Variants in SGSM2 observed in about 807,000 individuals in gnomAD.
SGSM2 encodes RUN and TBC1 domain containing 1.
SGSM2 carries 89 observed loss-of-function variants against 126.6 expected under a neutral mutation model. The ratio of observed to expected loss-of-function variants is 0.70; its 90% CI spans 0.59 to 0.84. The LOEUF is 0.84. SGSM2 is among the 40% of genes least tolerant of loss of function. The pLI is 0.00. For synonymous variants in SGSM2, 614 were observed against 574.3 expected, an observed-to-expected ratio of 1.07 and a Z score of -0.99; for missense variants, 1,404 against 1,416.6, an observed-to-expected ratio of 0.99 and a Z score of 0.14.
chr17:2,348,917 C>T (rs1245934527), intron 2 of SGSM2, among the ~76,000 whole-genome samples: 2 of 151,988 alleles, frequency 1.3e-5, no homozygotes, highest in Non-Finnish European at 2.9e-5. Flanking sequence ...CTACGCGCCA[C>T]CACACTCGGC....
chr17:2,364,576 G>A lies in SGSM2; in HGVS notation c.933-20G>A, dbSNP rs2065467975. 5.6e-6 allele frequency: 9 copies of A among 1,613,670 alleles called. No individual in the cohort carries two copies. The highest frequency in any genetic ancestry group is 6.8e-6 in the Non-Finnish European group (8 of 1,179,588). ...TGGCAGGTCTTTGGACACAGTGACA[G>A]CAGTCTGGTTCCTTTCTAGCGTTTA... On this transcript the variant is annotated intron_variant, in intron 8 of 23. Transcript: ENST00000268989.
chr17:2,344,242 T>C (rs1004691153), intron 2 of SGSM2, among the ~76,000 whole-genome samples: 3 of 152,156 alleles, frequency 2.0e-5, no homozygotes, highest in African/African-American at 7.2e-5. Flanking sequence ...GAGAGTCGCT[T>C]ATAAACCATT....
At chr17:2,341,945 G>A (rs566831361) in intron 1 of SGSM2, among the ~76,000 whole-genome samples, 2 of 152,150 alleles carry the variant, frequency 1.3e-5, no homozygotes, top group East Asian at 1.9e-4. Flanking sequence ...CCCAAACGCC[G>A]GGTGTTTGTA....
chr17:2,337,673 C>G lies in SGSM2; in HGVS notation c.-16C>G, dbSNP rs746860587. On this transcript the variant is annotated 5_prime_UTR_variant, in exon 1 of 24. Transcript: ENST00000268989. The surrounding 1 kb of genome is among the most constrained non-coding windows in gnomAD (Gnocchi z 5.1). ...GGGGGCTCTGAGGACCGCTCGGCGC[C>G]GCCTCCTGCCACACCATGGGCAGCG... 6.8e-7 allele frequency: 1 copy of G among 1,471,312 alleles called. No homozygotes were observed. Among genetic ancestry groups the G allele is most frequent in the South Asian group, 1.3e-5 (1 of 77,122 alleles). The allele number at this position is 1,471,312 out of a possible 1,614,324, so 91.1% of individuals were successfully genotyped here.
At chr17:2,358,101 C>T (rs2065154550) in intron 2 of SGSM2, among the ~76,000 whole-genome samples, 1 of 152,116 alleles carries the variant, frequency 6.6e-6, no homozygotes, top group African/African-American at 2.4e-5. Flanking sequence ...CCACCACCCT[C>T]CACCCTGGGA....
In SGSM2 at chr17:2,380,123, G is replaced by A. The variant is rs1338070081; in HGVS notation, c.*603G>A. ...GGCAGTCGGAAGATGTGGGCCCTGGGTGGGAGCAGCCCACTTCAGCAGCAC... is the reference window on the plus strand; with the variant it reads ...GGCAGTCGGAAGATGTGGGCCCTGGATGGGAGCAGCCCACTTCAGCAGCAC... On this transcript the variant is annotated 3_prime_UTR_variant, in exon 24 of 24. Transcript: ENST00000268989. 7.1e-7 allele frequency: 1 copy of A among 1,407,018 alleles called. No individual in the cohort carries two copies. Among genetic ancestry groups the A allele is most frequent in the African/African-American group, 1.5e-5 (1 of 68,296 alleles). 87.2% of individuals were successfully genotyped at this position (1,407,018 alleles called of 1,614,324 possible). A position where few individuals can be genotyped will look rare whatever the true frequency, so the allele number is the denominator to read the frequency against.
In SGSM2 at chr17:2,362,081, A is replaced by C; in HGVS notation, c.297-28A>C. 6.3e-7 allele frequency: 1 copy of C among 1,597,922 alleles called. No individual in the cohort carries two copies. Among genetic ancestry groups the C allele is most frequent in the Non-Finnish European group, 8.5e-7 (1 of 1,173,964 alleles). On this transcript the variant is annotated intron_variant, in intron 3 of 23. Transcript: ENST00000268989. This position sits in a 1 kb window ranked among gnomAD's most constrained non-coding sequence, Gnocchi z 4.9. Reference sequence around the variant, plus strand: ...CTGGGGTTTACCCCTAGACCACTGCACTCCTGGAGCCCTCCCCGCCTTTGC... The same window carrying C: ...CTGGGGTTTACCCCTAGACCACTGCCCTCCTGGAGCCCTCCCCGCCTTTGC...
rs61733096 is a variant in SGSM2, at chr17:2,373,413, G to A, written c.2000G>A (p.Arg667Gln). 1.9e-3 allele frequency: 3,082 copies of A among 1,611,974 alleles called. 49 individuals are homozygous for A. The African/African-American group carries it at 0.033, about 17-fold the overall frequency. ...ACEVVVRQRE[R>Q]EAHPATRTKF... ...GAGGTGGTGGTGAGGCAGCGGGAGCGGGAGGCCCACCCAGCCACACGCACC... is the reference window on the plus strand; with the variant it reads ...GAGGTGGTGGTGAGGCAGCGGGAGCAGGAGGCCCACCCAGCCACACGCACC... Residue 667 changes from arginine (R) to glutamine (Q), a missense_variant, in exon 17 of 24, where the codon CGG becomes CAG. Arg to Gln is a conservative substitution (Grantham distance 43, BLOSUM62 1). Coordinates refer to ENST00000268989, the MANE Select transcript of SGSM2 (RefSeq NM_014853.3).
Position 2,365,065 on chromosome 17 carries a change from G to C in SGSM2, c.1161+8G>C, listed in dbSNP as rs750476328. The stretch of plus-strand genomic sequence containing the variant: ...TGGACCCAGCAAGGGAAGGTAACTC[G>C]GGTGGGAGGCTTTAGGGGAAGGGCT... On this transcript the variant is annotated splice_region_variant and intron_variant, in intron 10 of 23. Transcript: ENST00000268989. 2 of 1,610,938 alleles carry C rather than the reference G, an allele frequency of 1.2e-6. No individual in the cohort carries two copies. The highest frequency in any genetic ancestry group is 2.2e-5 in the South Asian group (2 of 91,054).
At chr17:2,338,254 C>T (rs1035368474) in intron 1 of SGSM2, among the ~76,000 whole-genome samples, 4 of 152,196 alleles carry the variant, frequency 2.6e-5, no homozygotes, top group Non-Finnish European at 2.9e-5. Flanking sequence ...GGGTGCGCCG[C>T]ACACCTCAGT....
At chr17:2,375,422 G>GC (rs1168251662) in intron 17 of SGSM2, 70 bp from the exon 18 acceptor site, 1 of 1,527,964 alleles carries the variant, frequency 6.5e-7, no homozygotes, top group African/African-American at 1.4e-5. Context: ...CTCCCTTCTG[G>GC]CCCGAGGAGG....
chr17:2,377,800 G>C, intron 21 of SGSM2, 57 bp from the exon 22 acceptor site: 2 of 1,172,816 alleles, frequency 1.7e-6, no homozygotes, highest in South Asian at 2.5e-5. Context: ...GTGAGTGGCG[G>C]CCAGAGGCAG....
chr17:2,354,926 G>T (rs1015139110), intron 2 of SGSM2, among the ~76,000 whole-genome samples: 1 of 139,116 alleles, frequency 7.2e-6, no homozygotes, highest in East Asian at 2.0e-4. Flanking sequence ...TGGTGGAATC[G>T]GGGTGTAAGC....
At chr17:2,348,768 G>C (rs922192557) in intron 2 of SGSM2, among the ~76,000 whole-genome samples, 1 of 151,986 alleles carries the variant, frequency 6.6e-6, no homozygotes, top group Admixed American at 6.6e-5. Flanking sequence ...ATTTTGTTTT[G>C]TTTCGTTTTG....
chr17:2,372,646 G>C lies in SGSM2; in HGVS notation c.1788+158G>C. The C allele has an allele frequency of 1.9e-6, 2 of 1,066,418 alleles. No homozygotes were observed. Among genetic ancestry groups the C allele is most frequent in the South Asian group, 2.9e-5 (2 of 68,240 alleles). 66.1% of individuals were successfully genotyped at this position (1,066,418 alleles called of 1,614,324 possible). A position where few individuals can be genotyped will look rare whatever the true frequency, so the allele number is the denominator to read the frequency against. On this transcript the variant is annotated intron_variant, in intron 15 of 23. Transcript: ENST00000268989. The surrounding 1 kb of genome is among the most constrained non-coding windows in gnomAD (Gnocchi z 6.0). ...GCAGAATCTCTTGCAGCTGGGCCTG[G>C]GGCTGACACGGGAAGGGGGCTGGAC...
chr17:2,351,834 A>G (rs1031199967), intron 2 of SGSM2, among the ~76,000 whole-genome samples: 1 of 152,082 alleles, frequency 6.6e-6, no homozygotes, highest in East Asian at 1.9e-4. Context: ...TATCCTCCCA[A>G]TCAGAGTCCA....
chr17:2,363,332 G>A lies in SGSM2; in HGVS notation c.673-133G>A. On this transcript the variant is annotated intron_variant, in intron 6 of 23. Coordinates refer to ENST00000268989, the MANE Select transcript of SGSM2 (RefSeq NM_014853.3). The surrounding 1 kb of genome is among the most constrained non-coding windows in gnomAD (Gnocchi z 4.2). ...CTGGTCCGTGGCTGGAGAGCAGAGG[G>A]TGGCTGGGAGTAAACCGGGGCAGGA... is the stretch of plus-strand genomic sequence containing the variant. 1 of 1,439,264 alleles carries A rather than the reference G, an allele frequency of 6.9e-7. No individual in the cohort carries two copies. Among genetic ancestry groups the A allele is most frequent in the Non-Finnish European group, 9.4e-7 (1 of 1,066,350 alleles). 89.2% of individuals were successfully genotyped at this position (1,439,264 alleles called of 1,614,324 possible).
At chr17:2,351,642 T>G (rs1265744880) in intron 2 of SGSM2, among the ~76,000 whole-genome samples, 1 of 152,108 alleles carries the variant, frequency 6.6e-6, no homozygotes, top group African/African-American at 2.4e-5. Context: ...CCTCCTTGGT[T>G]CTAGGTTCTG....
chr17:2,371,026 T>C (rs1330384678), intron 12 of SGSM2, among the ~76,000 whole-genome samples: 4 of 150,412 alleles, frequency 2.7e-5, no homozygotes, highest in Non-Finnish European at 5.9e-5. Flanking sequence ...TTTTACCACA[T>C]GCAGAAGGAC....
Sources: allele counts gnomAD v4.1 joint callset (sites outside exome capture counted in the v4.1 genomes callset), GRCh38; gene constraint gnomAD v4.1.1; non-coding constraint Gnocchi (gnomAD v3.1); transcripts MANE v1.5; gene names NCBI Gene and HGNC (gene_info 2026-07-23, HGNC 2026-07-21).